Variants in SYNJ2 observed in about 807,000 individuals in gnomAD.
SYNJ2 encodes synaptojanin 2, also known as polyphosphatidylinositol phosphatase SYNJ2.
In SYNJ2, 116 loss-of-function variants were observed where a neutral mutation model predicts 141.3. The ratio of observed to expected loss-of-function variants is 0.82; its 90% CI spans 0.71 to 0.96. The LOEUF is 0.96. Among genes scored for constraint, SYNJ2 ranks in the 40% least tolerant of loss-of-function variants. The pLI, the probability that SYNJ2 is intolerant of heterozygous loss-of-function variation, is 0.00. For synonymous variants in SYNJ2, 745 were observed against 777.7 expected, an observed-to-expected ratio of 0.96 and a Z score of 0.70; for missense variants, 1,873 against 1,934.8, an observed-to-expected ratio of 0.97 and a Z score of 0.60.
chr6:158,094,121 G>T (rs182865265), intron 26 of SYNJ2: 2 of 645,178 alleles, frequency 3.1e-6, no homozygotes, highest in Non-Finnish European at 5.6e-6. Flanking sequence ...TCTTGACAGC[G>T]CTTGCTTTGT....
intron 11 of SYNJ2, among the ~76,000 whole-genome samples, 193 bp from the exon 12 acceptor site, chr6:158,066,251 A>G (rs759192330): frequency 3.3e-5 from 5 of 152,084 alleles, no homozygotes; most frequent in African/African-American, 4.8e-5. Context: ...CCTTTATTGT[A>G]GAAATGCCAT....
intron 1 of SYNJ2, among the ~76,000 whole-genome samples, chr6:158,002,632 G>C (rs1001988933): frequency 6.6e-6 from 1 of 152,248 alleles, no homozygotes; most frequent in South Asian, 2.1e-4. Context: ...TTCCCTGGTG[G>C]CTAGGAAACA....
chr6:158,031,117 G>A (rs535092297), intron 3 of SYNJ2, among the ~76,000 whole-genome samples: 3 of 152,264 alleles, frequency 2.0e-5, no homozygotes, highest in South Asian at 2.1e-4. Context: ...CATGTGCCCC[G>A]CGAGCTGTTA....
rs1562373338 is a variant in SYNJ2, at chr6:158,064,695, GCCACAGC to G, written c.1306_1312del (p.His436Ter). ...TTCAAAGCCATGTGGTCTCTGAATG[GCCACAGC>G]CTGAGCAAGGTGTTCACAGGCAGCA... On this transcript the variant is annotated frameshift_variant, in exon 10 of 27. Transcript: ENST00000355585. LOFTEE classifies it high-confidence loss of function. 2 of 1,614,076 alleles carry G rather than the reference GCCACAGC, an allele frequency of 1.2e-6. No homozygotes were observed. The highest frequency in any genetic ancestry group is 3.3e-5 in the Admixed American group (2 of 60,034).
chr6:158,007,319 C>T (rs1778110127), intron 1 of SYNJ2, among the ~76,000 whole-genome samples: 1 of 152,188 alleles, frequency 6.6e-6, no homozygotes, highest in South Asian at 2.1e-4. Flanking sequence ...ATCTTTCCAA[C>T]CAGATTTCTC....
At chr6:158,010,247 TGTAGA>T in intron 1 of SYNJ2, among the ~76,000 whole-genome samples, 1 of 152,244 alleles carries the variant, frequency 6.6e-6, no homozygotes, top group South Asian at 2.1e-4. Context: ...TCCTGGTGTG[TGTAGA>T]CATCTGTGTT....
chr6:158,037,050 C>T (rs980273787), intron 4 of SYNJ2, among the ~76,000 whole-genome samples: 3 of 152,202 alleles, frequency 2.0e-5, no homozygotes, highest in Admixed American at 1.3e-4. Context: ...CTTCCTAAAA[C>T]ACCGGACATT....
chr6:158,017,748 C>A lies in SYNJ2; in HGVS notation c.214+458C>A, dbSNP rs1425788901. On this transcript the variant is annotated intron_variant, in intron 2 of 26. Coordinates refer to ENST00000355585, the MANE Select transcript of SYNJ2 (RefSeq NM_003898.4). ...TTCTCTTTTAAGATGTTTCTTTATG[C>A]CTCGGGACCTGCTCCTCCTGCAGGA... is the stretch of plus-strand genomic sequence containing the variant. The A allele has an allele frequency of 5.6e-6, 3 of 531,982 alleles. No homozygotes were observed. In the East Asian group the frequency reaches 1.6e-4, roughly 29 times the overall value. The allele number at this position is 531,982 out of a possible 1,614,324, so 33.0% of individuals were successfully genotyped here.
At chr6:158,053,084 T>C (rs916101702) in intron 5 of SYNJ2, among the ~76,000 whole-genome samples, 1 of 152,202 alleles carries the variant, frequency 6.6e-6, no homozygotes, top group African/African-American at 2.4e-5. Context: ...CGAGGGTCCC[T>C]ACATTTACAT....
At chr6:157,997,530 G>A (rs1449444813) in intron 1 of SYNJ2, among the ~76,000 whole-genome samples, 3 of 152,136 alleles carry the variant, frequency 2.0e-5, no homozygotes, top group Non-Finnish European at 4.4e-5. Flanking sequence ...CCGGAAGCTG[G>A]GAAAAGCAAG....
intron 2 of SYNJ2, 43 bp downstream of exon 2, chr6:158,017,333 G>A: frequency 1.3e-6 from 2 of 1,581,188 alleles, no homozygotes; most frequent in Non-Finnish European, 1.7e-6. Flanking sequence ...AGGCTCCCCG[G>A]TGGGCAGGAG....
intron 9 of SYNJ2, among the ~76,000 whole-genome samples, chr6:158,064,284 CG>C (rs1217767140): frequency 9.6e-6 from 1 of 104,100 alleles, no homozygotes; most frequent in Non-Finnish European, 1.8e-5. Context: ...GCTGGGGGGT[CG>C]GGGGTAGGGT....
chr6:158,025,375 T>G lies in SYNJ2; in HGVS notation c.215-3381T>G, dbSNP rs540118571. ...TAGCAGGTACACTGGTTGACCACAC[T>G]CTTTTAAAGGGTACAGCAGGCCAGG... On this transcript the variant is annotated intron_variant, in intron 2 of 26. Coordinates refer to ENST00000355585, the MANE Select transcript of SYNJ2 (RefSeq NM_003898.4). Among the ~76,000 whole-genome samples, 9 of 152,260 alleles carry G rather than the reference T, an allele frequency of 5.9e-5. No homozygotes were observed. In the East Asian group the frequency reaches 1.5e-3, roughly 26 times the overall value.
At chr6:158,041,570 A>G (rs1457420501) in intron 4 of SYNJ2, among the ~76,000 whole-genome samples, 2 of 152,170 alleles carry the variant, frequency 1.3e-5, no homozygotes, top group Admixed American at 1.3e-4. Flanking sequence ...GACAGCCCTC[A>G]GTGTTTTCAG....
At chr6:158,074,804 A>C in intron 16 of SYNJ2, 66 bp downstream of exon 16, 1 of 1,564,534 alleles carries the variant, frequency 6.4e-7, no homozygotes, top group Non-Finnish European at 8.7e-7. Flanking sequence ...TGTGAGATGT[A>C]GAGGCTGGTG....
rs1019849680 is a variant in SYNJ2 at position 158,063,281 on chromosome 6, TCCTGGGGTCTG to T, written c.1128-505_1128-495del. On this transcript the variant is annotated intron_variant, in intron 8 of 26. Transcript: ENST00000355585. ...AGCTGTGCAGGCTACTGAGTGTGTGTCCTGGGGTCTGCCTGCCTTTCCAGAAGTGCTGGGGA... is the reference window on the plus strand; with the variant it reads ...AGCTGTGCAGGCTACTGAGTGTGTGTCCTGCCTTTCCAGAAGTGCTGGGGA... 5.5e-4 allele frequency among the ~76,000 whole-genome samples: 83 copies of T among 152,262 alleles called. 2 individuals are homozygous for T. The Middle Eastern group carries it at 0.024, about 44-fold the overall frequency.
chr6:158,031,487 C>T (rs1779357489), intron 3 of SYNJ2, among the ~76,000 whole-genome samples: 1 of 152,242 alleles, frequency 6.6e-6, no homozygotes, highest in African/African-American at 2.4e-5. Context: ...GGTCGCCAGG[C>T]TCCTCAGCTG....
intron 12 of SYNJ2, chr6:158,067,655 A>G: frequency 1.0e-6 from 1 of 985,412 alleles, no homozygotes; most frequent in Non-Finnish European, 1.2e-6. Flanking sequence ...GCTGACATGC[A>G]GTGGCCCATG....
chr6:157,981,611 G>A (rs543529877), upstream of SYNJ2, among the ~76,000 whole-genome samples: 133 of 152,124 alleles, frequency 8.7e-4, no homozygotes, highest in African/African-American at 3.1e-3. This position sits in a 1 kb window ranked among gnomAD's most constrained non-coding sequence, Gnocchi z 6.4. Flanking sequence ...CGCCCCGCGC[G>A]GGGCATCCTC....
Sources: gnomAD v4.1 joint callset for allele counts (sites outside exome capture counted in the v4.1 genomes callset) on GRCh38, gnomAD v4.1.1 for gene constraint, Gnocchi (gnomAD v3.1) non-coding constraint, MANE v1.5 for transcripts, NCBI Gene and HGNC (gene_info 2026-07-23, HGNC 2026-07-21) for gene names.